The following ZNF107 variants were observed in gnomAD, a reference collection of about 807,000 sequenced individuals.
ZNF107 encodes the protein C2H2 type zinc-finger protein.
In ZNF107, 19 loss-of-function variants were observed where a neutral mutation model predicts 12.3. That is an observed-to-expected ratio of 1.55 (90% confidence interval 1.08 to 2.27). ZNF107 has a LOEUF of 2.27. ZNF107 is among the 30% of genes most tolerant of loss of function. ZNF107 has a pLI of 0.00. For missense variants in ZNF107, 958 were observed against 979.9 expected, an observed-to-expected ratio of 0.98 and a Z score of 0.30; for synonymous variants, 317 against 330.5, an observed-to-expected ratio of 0.96 and a Z score of 0.44.
intron 3 of ZNF107, among the ~76,000 whole-genome samples, chr7:64,696,415 T>C (rs993596867): frequency 2.6e-5 from 4 of 151,968 alleles, no homozygotes; most frequent in African/African-American, 7.3e-5. Flanking sequence ...TTTGGGAGAT[T>C]GAGAGAGGAG....
chr7:64,672,694 G>A (rs1033373156), intron 1 of ZNF107, among the ~76,000 whole-genome samples: 17 of 152,100 alleles, frequency 1.1e-4, no homozygotes, highest in African/African-American at 2.9e-4. Context: ...GTCTACCGTC[G>A]ATAGGTATTT....
chr7:64,679,157 G>A (rs1426245091), intron 1 of ZNF107: 3 of 983,794 alleles, frequency 3.0e-6, no homozygotes, highest in Non-Finnish European at 2.4e-6. Context: ...AAGCCTGCTT[G>A]GGTTTTCTCT....
At position 64,691,938 on chromosome 7, in the gene ZNF107, T is replaced by C. The variant is rs762828689; in HGVS notation, c.204T>C (p.His68=). The change falls in exon 3 of 4, where the codon CAT becomes CAC. Residue 68 remains histidine (H), a synonymous_variant. Coordinates refer to ENST00000620827, the MANE Select transcript of ZNF107 (RefSeq NM_001282359.2). ...QKKEPWNIKR[H]EMVAKPPVMS... Reference sequence around the variant, plus strand: ...AAGAGCCCTGGAATATAAAAAGACATGAGATGGTAGCCAAACCCCCAGGTA... The same window carrying C: ...AAGAGCCCTGGAATATAAAAAGACACGAGATGGTAGCCAAACCCCCAGGTA... 15 of 1,522,464 alleles carry C rather than the reference T, an allele frequency of 9.9e-6. No individual in the cohort carries two copies. Among genetic ancestry groups the C allele is most frequent in the South Asian group, 1.2e-5 (1 of 80,130 alleles). The allele number at this position is 1,522,464 out of a possible 1,614,324, so 94.3% of individuals were successfully genotyped here. A position where few individuals can be genotyped will look rare whatever the true frequency, so the allele number is the denominator to read the frequency against.
chr7:64,679,237 G>A (rs1298445697), intron 1 of ZNF107: 7 of 984,934 alleles, frequency 7.1e-6, no homozygotes, highest in East Asian at 1.2e-4. Flanking sequence ...TTTGGGAGTC[G>A]TGTCCCTTAA....
rs373831936 is a variant in ZNF107 at position 64,706,646 on chromosome 7, C to T, written c.549C>T (p.Cys183=). The T allele has an allele frequency of 9.7e-5, 157 of 1,613,146 alleles. 1 individual carries two copies. Among genetic ancestry groups the T allele is most frequent in the Admixed American group, 2.8e-4 (17 of 59,856 alleles). The change falls in exon 4 of 4, where the codon TGC becomes TGT. Residue 183 remains cysteine (C), a synonymous_variant. Transcript: ENST00000620827. ...GTAAAGAATGTAGCAAATCATTTTG[C>T]GTGCTTTCACAACTAACTCAGCATA... is the stretch of plus-strand genomic sequence containing the variant. The part of the protein sequence containing the change: ...FKCKECSKSF[C]VLSQLTQHRR...
intron 1 of ZNF107, among the ~76,000 whole-genome samples, chr7:64,682,289 C>T (rs1469892407): frequency 1.3e-5 from 2 of 152,064 alleles, no homozygotes; most frequent in African/African-American, 4.8e-5. Flanking sequence ...CCCCGCTGAC[C>T]GTATTCACCT....
chr7:64,698,029 G>T (rs775612619), intron 3 of ZNF107, among the ~76,000 whole-genome samples: 1 of 152,034 alleles, frequency 6.6e-6, no homozygotes, highest in Non-Finnish European at 1.5e-5. Context: ...TTTTTCACCA[G>T]AAGTCAATAT....
intron 3 of ZNF107, among the ~76,000 whole-genome samples, chr7:64,697,721 C>T (rs1299905789): frequency 6.9e-6 from 1 of 145,372 alleles, no homozygotes; most frequent in Non-Finnish European, 1.5e-5. Context: ...GACGGAGTCT[C>T]GCTTTGTCAC....
At chr7:64,679,649 G>A (rs1210254549) in intron 1 of ZNF107, among the ~76,000 whole-genome samples, 2 of 152,042 alleles carry the variant, frequency 1.3e-5, no homozygotes, top group African/African-American at 4.8e-5. Context: ...TTGTCCTTTG[G>A]ACTGTGTCCT....
chr7:64,688,471 T>C (rs149594316), intron 1 of ZNF107, among the ~76,000 whole-genome samples: 2,756 of 152,096 alleles, frequency 0.018, 75 homozygotes, highest in African/African-American at 0.062. Context: ...TTGGCCAGGC[T>C]GGTCTCAAAC....
intron 1 of ZNF107, among the ~76,000 whole-genome samples, chr7:64,686,256 C>A (rs1789905126): frequency 6.6e-6 from 1 of 152,138 alleles, no homozygotes; most frequent in Non-Finnish European, 1.5e-5. Context: ...ACTTTTAACA[C>A]CAATCTTTGG....
At chr7:64,672,265 C>T (rs948085029) in intron 1 of ZNF107, among the ~76,000 whole-genome samples, 5 of 152,092 alleles carry the variant, frequency 3.3e-5, no homozygotes, top group East Asian at 1.9e-4. Context: ...CTGCAAAGGA[C>T]GTGCTCTTGT....
chr7:64,683,175 A>G (rs1789754015), intron 1 of ZNF107, among the ~76,000 whole-genome samples: 1 of 152,230 alleles, frequency 6.6e-6, no homozygotes, highest in Non-Finnish European at 1.5e-5. Context: ...ATGCACGTCA[A>G]TATTTATACT....
intron 3 of ZNF107, among the ~76,000 whole-genome samples, chr7:64,703,035 C>A (rs1470938894): frequency 6.6e-6 from 1 of 151,882 alleles, no homozygotes; most frequent in African/African-American, 2.4e-5. Context: ...TCTAATATTT[C>A]TTTCTTGAAT....
chr7:64,706,969 G>A lies in ZNF107; in HGVS notation c.872G>A (p.Gly291Asp). 1.2e-6 allele frequency: 2 copies of A among 1,613,464 alleles called. No individual in the cohort carries two copies. The highest frequency in any genetic ancestry group is 1.7e-6 in the Non-Finnish European group (2 of 1,179,730). Residue 291 changes from glycine (G) to aspartate (D), a missense_variant, in exon 4 of 4, where the codon GGC (glycine) becomes GAC (aspartate). By Grantham distance (94) the Gly-to-Asp change is moderately conservative. Coordinates refer to ENST00000620827, the MANE Select transcript of ZNF107 (RefSeq NM_001282359.2). ...GEKPYKYEEC[G>D]KVFSQSSHLT... is the part of the protein sequence containing the mutation. ...AAACCTTACAAATATGAAGAATGTG[G>A]CAAAGTCTTTAGCCAGTCCTCACAC...
chr7:64,691,138 C>T (rs1416859737), intron 1 of ZNF107, 110 bp from the exon 2 acceptor site: 2 of 1,077,346 alleles, frequency 1.9e-6, no homozygotes, highest in Admixed American at 4.7e-5. Flanking sequence ...TCCCAAAGTG[C>T]TGGGATTACA....
intron 3 of ZNF107, among the ~76,000 whole-genome samples, chr7:64,695,937 A>G (rs972272882): frequency 6.6e-6 from 1 of 152,152 alleles, no homozygotes; most frequent in African/African-American, 2.4e-5. Context: ...TGAAGTGTAC[A>G]TTTCAAGGCC....
At position 64,702,310 on chromosome 7, in the gene ZNF107, T is replaced by C. The variant is rs1790501911; in HGVS notation, c.227-4014T>C. On this transcript the variant is annotated intron_variant, in intron 3 of 3. Transcript: ENST00000620827. ...GATTACAGGCACACTGTAATTTTTG[T>C]ACTTTTAGTAGAGACAGGGTTTCAC... 2.0e-5 allele frequency among the ~76,000 whole-genome samples: 3 copies of C among 151,906 alleles called. No individual in the cohort carries two copies. The South Asian group carries it at 6.2e-4, about 32-fold the overall frequency.
At position 64,709,893 on chromosome 7, in the gene ZNF107, G is replaced by T. The variant is rs76278462; in HGVS notation, c.*1237G>T. The T allele has an allele frequency of 0.025, 8,845 of 354,164 alleles. 518 individuals carry two copies. Among genetic ancestry groups the T allele is most frequent in the African/African-American group, 0.14 (6,254 of 44,838 alleles). The allele number at this position is 354,164 out of a possible 1,614,324, so 21.9% of individuals were successfully genotyped here. ...TAATGCCAGCACTTTGGGAGGCCAA[G>T]GTGGGTGGATCACCTGAGGGCAGGA... On this transcript the variant is annotated 3_prime_UTR_variant, in exon 4 of 4. Transcript: ENST00000620827.
Sources: allele counts gnomAD v4.1 joint callset (sites outside exome capture counted in the v4.1 genomes callset), GRCh38; gene constraint gnomAD v4.1.1; transcripts MANE v1.5; gene names NCBI Gene and HGNC (gene_info 2026-07-23, HGNC 2026-07-21).